The following SOAT2 variants were observed in gnomAD, a reference collection of about 807,000 sequenced individuals.
SOAT2 encodes sterol O-acyltransferase 2.
In SOAT2, 87 loss-of-function variants were observed where a neutral mutation model predicts 76.0. The ratio of observed to expected loss-of-function variants is 1.14; its 90% confidence interval spans 0.96 to 1.37. SOAT2 has a LOEUF of 1.37. Among genes scored for constraint, SOAT2 ranks in the 40% most tolerant of loss-of-function variants. The pLI, the probability that SOAT2 is intolerant of heterozygous loss-of-function variation, is 0.00. For missense variants in SOAT2, 686 were observed against 682.1 expected (o/e 1.01, Z -0.06); for synonymous variants, 285 against 275.4 (o/e 1.03, Z -0.34).
chr12:53,118,882 C>A lies in SOAT2; in HGVS notation c.864-8C>A, dbSNP rs780686536. ...ATGAGAAACATATTGTCCCCATTGC[C>A]GCTGCAGGACGCCCTATGTCAGGTG... On this transcript the variant is annotated splice_polypyrimidine_tract_variant and splice_region_variant and intron_variant, in intron 8 of 14. Coordinates refer to ENST00000301466, the MANE Select transcript of SOAT2 (RefSeq NM_003578.4). The A allele has an allele frequency of 6.2e-7, 1 of 1,613,986 alleles. No homozygotes were observed. Among genetic ancestry groups the A allele is most frequent in the Non-Finnish European group, 8.5e-7 (1 of 1,179,984 alleles).
At chr12:53,123,289 G>C in intron 13 of SOAT2, 73 bp downstream of exon 13, 4 of 1,583,224 alleles carry the variant, frequency 2.5e-6, no homozygotes, top group Non-Finnish European at 3.5e-6. Context: ...GCAGATCCCA[G>C]ACTGATGGTG....
intron 12 of SOAT2, among the ~76,000 whole-genome samples, chr12:53,122,058 A>T (rs1293159647): frequency 6.6e-6 from 1 of 151,682 alleles, no homozygotes; most frequent in Non-Finnish European, 1.5e-5. Flanking sequence ...TGCCCATCTC[A>T]GCCTCCCAAA....
At chr12:53,112,031 G>A (rs1298889219) in intron 5 of SOAT2, among the ~76,000 whole-genome samples, 1 of 152,078 alleles carries the variant, frequency 6.6e-6, no homozygotes, top group Non-Finnish European at 1.5e-5. Flanking sequence ...TGTGCTCTGG[G>A]CAGATCTTAC....
chr12:53,121,009 C>A, intron 11 of SOAT2, 126 bp downstream of exon 11: 2 of 767,904 alleles, frequency 2.6e-6, no homozygotes, highest in Non-Finnish European at 2.3e-6. Flanking sequence ...ATAAGAAATG[C>A]AGTCCTCTGG....
Position 53,119,113 on chromosome 12 carries a change from GC to G in SOAT2, c.910-6del. 9.3e-6 allele frequency: 15 copies of G among 1,613,842 alleles called. No individual in the cohort carries two copies. Among genetic ancestry groups the G allele is most frequent in the Non-Finnish European group, 1.3e-5 (15 of 1,179,892 alleles). On this transcript the variant is annotated splice_polypyrimidine_tract_variant and intron_variant, in intron 9 of 14. Transcript: ENST00000301466. ...TCCCTCTCCAGTTATGTGTCCCCATGCCCCCTCCAGGCCCTGGGATGTGTGC... is the reference window on the plus strand; with the variant it reads ...TCCCTCTCCAGTTATGTGTCCCCATGCCCCTCCAGGCCCTGGGATGTGTGC...
chr12:53,115,988 C>A, intron 6 of SOAT2, 109 bp from the exon 7 acceptor site: 1 of 952,982 alleles, frequency 1.0e-6, no homozygotes, highest in Non-Finnish European at 1.7e-6. Flanking sequence ...TCTGACCAGA[C>A]AGATCTTACA....
intron 5 of SOAT2, among the ~76,000 whole-genome samples, chr12:53,112,779 CTTTTTTTTTT>C (rs71095978): frequency 8.0e-6 from 1 of 125,734 alleles, no homozygotes; most frequent in Non-Finnish European, 1.6e-5. Context: ...TTTTTCTTTC[CTTTTTTTTTT>C]TTTTTTTTTA....
Position 53,123,808 on chromosome 12 carries a change from C to T in SOAT2, c.1453C>T (p.Gln485Ter). 1.2e-6 allele frequency: 2 copies of T among 1,614,178 alleles called. No homozygotes were observed. Among genetic ancestry groups the T allele is most frequent in the South Asian group, 2.2e-5 (2 of 91,088 alleles). The change falls in exon 14 of 15, where the codon CAG becomes TAG. Residue 485 changes from glutamine (Q) to a stop codon, truncating the protein, a stop_gained. Transcript: ENST00000301466. LOFTEE classifies it high-confidence loss of function. ...GATGTGGACCATGCTGTTTCTAGGCCAGGGAATCCAGGTCAGCCTGTACTG... is the reference window on the plus strand; with the variant it reads ...GATGTGGACCATGCTGTTTCTAGGCTAGGGAATCCAGGTCAGCCTGTACTG... ...VLMWTMLFLG[Q>*]GIQVSLYCQE...
intron 2 of SOAT2, among the ~76,000 whole-genome samples, chr12:53,104,554 G>A (rs1937899359): frequency 6.6e-6 from 1 of 152,140 alleles, no homozygotes; most frequent in African/African-American, 2.4e-5. Flanking sequence ...GATTACAGGT[G>A]TGAGCCACGG....
Position 53,115,503 on chromosome 12 carries a change from G to A in SOAT2, c.557G>A (p.Arg186Gln), listed in dbSNP as rs750777029. ...STLLAPYQAL[R>Q]LWARGTWTQA... ...CTGTTGGCGCCGTACCAGGCCCTAC[G>A]GCTGTGGGCCAGGGGCACCTGGACG... is the stretch of plus-strand genomic sequence containing the variant. Residue 186 changes from arginine to glutamine, a missense_variant, in exon 6 of 15, where the codon CGG (arginine) becomes CAG (glutamine). Coordinates refer to ENST00000301466, the MANE Select transcript of SOAT2 (RefSeq NM_003578.4). 6 of 1,609,072 alleles carry A rather than the reference G, an allele frequency of 3.7e-6. 1 individual carries two copies. In the East Asian group the frequency reaches 6.7e-5, roughly 18 times the overall value.
chr12:53,112,429 C>G (rs995951576), intron 5 of SOAT2, among the ~76,000 whole-genome samples: 3 of 151,632 alleles, frequency 2.0e-5, no homozygotes, highest in African/African-American at 7.3e-5. Context: ...ACCTGTAATC[C>G]TAGCTACTCG....
intron 5 of SOAT2, among the ~76,000 whole-genome samples, chr12:53,106,397 G>A (rs1320402252): frequency 6.6e-6 from 1 of 152,240 alleles, no homozygotes; most frequent in Non-Finnish European, 1.5e-5. Flanking sequence ...AATGAGGGGG[G>A]CAGACCCCAC....
In SOAT2 at chr12:53,123,594, TCTG is replaced by T. The variant is rs1431101419; in HGVS notation, c.1373-132_1373-130del. ...GGGCCACTTTAGACCTCTACGAATT[TCTG>T]CACCTGAGTTCAAGATCTTCTCCAA... On this transcript the variant is annotated intron_variant, in intron 13 of 14. Coordinates refer to ENST00000301466, the MANE Select transcript of SOAT2 (RefSeq NM_003578.4). 3 of 1,045,732 alleles carry T rather than the reference TCTG, an allele frequency of 2.9e-6. No individual in the cohort carries two copies. The African/African-American group carries it at 4.8e-5, about 17-fold the overall frequency. The allele number at this position is 1,045,732 out of a possible 1,614,324, so 64.8% of individuals were successfully genotyped here.
At chr12:53,121,236 T>C (rs1938183959) in intron 11 of SOAT2, 67 bp from the exon 12 acceptor site, 2 of 1,147,506 alleles carry the variant, frequency 1.7e-6, no homozygotes, top group Non-Finnish European at 2.6e-6. Context: ...GAGGGAGCAG[T>C]GGGGAGGAGC....
chr12:53,121,145 A>C (rs1938183332), intron 11 of SOAT2, among the ~76,000 whole-genome samples, 158 bp from the exon 12 acceptor site: 1 of 152,144 alleles, frequency 6.6e-6, no homozygotes, highest in African/African-American at 2.4e-5. Flanking sequence ...CCGTGACCTG[A>C]GGAGGGAGGT....
chr12:53,107,622 C>CTTTTTT lies in SOAT2; in HGVS notation c.443+1621_443+1626dup, dbSNP rs1303838303. 4.3e-5 allele frequency among the ~76,000 whole-genome samples: 5 copies of CTTTTTT among 117,030 alleles called. 1 individual carries two copies. Among genetic ancestry groups the CTTTTTT allele is most frequent in the African/African-American group, 7.4e-5 (2 of 27,180 alleles). The allele number at this position is 117,030 out of a possible 152,430, so 76.8% of individuals were successfully genotyped here. A position where few individuals can be genotyped will look rare whatever the true frequency, so the allele number is the denominator to read the frequency against. On this transcript the variant is annotated intron_variant, in intron 5 of 14. Transcript: ENST00000301466. Reference sequence around the variant, plus strand: ...AGACTAGAATTTAACAACAGATGTACTTTTTTTTTTTTTTTTTTGAGACAG... The same window carrying CTTTTTT: ...AGACTAGAATTTAACAACAGATGTACTTTTTTTTTTTTTTTTTTTTTTTTGAGACAG...
chr12:53,120,646 A>G, intron 10 of SOAT2, 140 bp from the exon 11 acceptor site: 1 of 616,482 alleles, frequency 1.6e-6, no homozygotes, highest in East Asian at 2.8e-5. Context: ...GGAATGCATA[A>G]ATTTGTGAAT....
intron 5 of SOAT2, among the ~76,000 whole-genome samples, chr12:53,112,626 G>A (rs1203096358): frequency 1.3e-5 from 2 of 150,794 alleles, no homozygotes; most frequent in African/African-American, 2.4e-5. Flanking sequence ...AAATACAAAC[G>A]TGCACACATG....
chr12:53,119,277 G>C (rs1938153618), intron 10 of SOAT2, 24 bp downstream of exon 10: 1 of 1,612,494 alleles, frequency 6.2e-7, no homozygotes. Context: ...GGTAGGGCTA[G>C]AGCAGCTGTG....
Sources: gnomAD v4.1 joint callset for allele counts (sites outside exome capture counted in the v4.1 genomes callset) on GRCh38, gnomAD v4.1.1 for gene constraint, MANE v1.5 for transcripts, NCBI Gene and HGNC (gene_info 2026-07-23, HGNC 2026-07-21) for gene names.